The following ATG4C variants were observed in gnomAD, a reference collection of about 807,000 sequenced individuals.
ATG4C encodes the protein cysteine protease ATG4C.
ATG4C carries 56 observed loss-of-function variants against 57.6 expected under a neutral mutation model. The ratio of observed to expected loss-of-function variants is 0.97; its 90% CI spans 0.78 to 1.21. The LOEUF is 1.21. Among genes scored for constraint, ATG4C ranks in the 50% most tolerant of loss-of-function variants. ATG4C has a pLI of 0.00. For missense variants in ATG4C, 595 were observed against 529.8 expected (o/e 1.12, Z -1.21); for synonymous variants, 157 against 174.1 (o/e 0.90, Z 0.78).
chr1:62,796,207 G>GTTTTTTTTT (rs60552573), intron 1 of ATG4C, among the ~76,000 whole-genome samples: 5 of 91,196 alleles, frequency 5.5e-5, no homozygotes, highest in East Asian at 3.3e-4. Context: ...ATTTGTGTGG[G>GTTTTTTTTT]TTTTTTTTTT....
At chr1:62,799,691 A>G (rs1195265060) in intron 1 of ATG4C, among the ~76,000 whole-genome samples, 1 of 152,176 alleles carries the variant, frequency 6.6e-6, no homozygotes, top group Admixed American at 6.5e-5. Context: ...TTTGATATAG[A>G]CATGAAATGT....
chr1:62,863,442 T>G (rs185201580), intron 10 of ATG4C, among the ~76,000 whole-genome samples: 2 of 152,140 alleles, frequency 1.3e-5, no homozygotes, highest in African/African-American at 4.8e-5. Flanking sequence ...TTTGCTCTGT[T>G]TTTGTACACT....
intron 10 of ATG4C, among the ~76,000 whole-genome samples, chr1:62,858,460 A>C: frequency 6.6e-6 from 1 of 152,224 alleles, no homozygotes; most frequent in East Asian, 1.9e-4. Flanking sequence ...TGATAAGCCT[A>C]GCAGAGAAAT....
At chr1:62,813,595 A>C (rs964038830) in intron 3 of ATG4C, among the ~76,000 whole-genome samples, 2 of 152,258 alleles carry the variant, frequency 1.3e-5, no homozygotes, top group Non-Finnish European at 2.9e-5. Context: ...CAAAATTGAC[A>C]GATGGGATCT....
chr1:62,790,289 C>G (rs1382533313), intron 1 of ATG4C, among the ~76,000 whole-genome samples: 1 of 152,188 alleles, frequency 6.6e-6, no homozygotes, highest in African/African-American at 2.4e-5. Flanking sequence ...GAGTTCTCAT[C>G]ACTTCCTTCC....
intron 10 of ATG4C, among the ~76,000 whole-genome samples, chr1:62,855,670 G>T (rs894793778): frequency 6.6e-6 from 1 of 152,116 alleles, no homozygotes; most frequent in Admixed American, 6.5e-5. Context: ...TTCACCTATG[G>T]TATATTATCT....
chr1:62,834,233 CA>C (rs1161523188), intron 8 of ATG4C, 117 bp downstream of exon 8: 1 of 824,656 alleles, frequency 1.2e-6, no homozygotes, highest in Non-Finnish European at 1.9e-6. Flanking sequence ...CTTATACATT[CA>C]TCAGTCCTAC....
chr1:62,854,860 T>G (rs1382132647), intron 10 of ATG4C, among the ~76,000 whole-genome samples: 2 of 152,174 alleles, frequency 1.3e-5, no homozygotes, highest in Non-Finnish European at 2.9e-5. Context: ...GCCTGTGGAA[T>G]GAATATATGT....
At chr1:62,834,877 T>C (rs1350346269) in intron 9 of ATG4C, 25 bp downstream of exon 9, 1 of 1,582,786 alleles carries the variant, frequency 6.3e-7, no homozygotes, top group Non-Finnish European at 8.7e-7. Context: ...AAGCTGATAC[T>C]GTTTTCTTAC....
intron 6 of ATG4C, among the ~76,000 whole-genome samples, chr1:62,828,075 G>A (rs7512529): frequency 0.45 from 67,963 of 151,926 alleles, 15,313 homozygotes; most frequent in East Asian, 0.67. Flanking sequence ...GGTTGATTCT[G>A]TGTCTTTGCT....
Position 62,816,796 on chromosome 1 carries a change from T to C in ATG4C, c.382T>C (p.Phe128Leu). Reference sequence around the variant, plus strand: ...CTTGGCTCAAGGACTCATACTACACTTTCTTGGTAGAGGTAAATCAAATTT... The same window carrying C: ...CTTGGCTCAAGGACTCATACTACACCTTCTTGGTAGAGGTAAATCAAATTT... ...MLLAQGLILH[F>L]LGRAWTWPDA... is the part of the protein sequence containing the mutation. Residue 128 changes from phenylalanine (F) to leucine (L), a missense_variant, in exon 4 of 11, where the codon TTT (phenylalanine) becomes CTT (leucine). Transcript: ENST00000317868. The C allele has an allele frequency of 1.3e-6, 2 of 1,561,530 alleles. No homozygotes were observed. The highest frequency in any genetic ancestry group is 2.3e-5 in the East Asian group (1 of 43,090).
intron 3 of ATG4C, among the ~76,000 whole-genome samples, chr1:62,806,054 T>C (rs1234432990): frequency 2.0e-5 from 3 of 152,220 alleles, no homozygotes; most frequent in African/African-American, 7.2e-5. Flanking sequence ...TTCTAAAACC[T>C]GTAAATGGCT....
Position 62,828,324 on chromosome 1 carries a change from C to T in ATG4C, c.797-716C>T, listed in dbSNP as rs543516894. ...CTCGCCAGCATCTGTTATCTTTTGA[C>T]TTTTTAATAATAGCCATTCTGACTG... On this transcript the variant is annotated intron_variant, in intron 6 of 10. Coordinates refer to ENST00000317868, the MANE Select transcript of ATG4C (RefSeq NM_032852.4). Among the ~76,000 whole-genome samples the T allele has an allele frequency of 6.0e-4, 92 of 152,256 alleles. 2 individuals carry two copies. Among genetic ancestry groups the T allele is most frequent in the African/African-American group, 2.1e-3 (88 of 41,564 alleles).
At chr1:62,829,212 C>T (rs1374595280) in intron 7 of ATG4C, 36 bp downstream of exon 7, 1 of 1,600,418 alleles carries the variant, frequency 6.2e-7, no homozygotes, top group African/African-American at 1.3e-5. Context: ...TAGGGCAATA[C>T]TAGCTAATAT....
At chr1:62,827,446 T>C (rs1665698347) in intron 6 of ATG4C, among the ~76,000 whole-genome samples, 2 of 152,230 alleles carry the variant, frequency 1.3e-5, no homozygotes, top group Non-Finnish European at 2.9e-5. Flanking sequence ...CCTGGCCACC[T>C]TATTTTAAAT....
chr1:62,857,867 C>G (rs891950081), intron 10 of ATG4C, among the ~76,000 whole-genome samples: 1 of 152,164 alleles, frequency 6.6e-6, no homozygotes, highest in Non-Finnish European at 1.5e-5. Context: ...ACTCGCTTTT[C>G]TAGCCTCCTA....
At chr1:62,805,149 T>C in intron 2 of ATG4C, 23 bp from the exon 3 acceptor site, 1 of 1,518,030 alleles carries the variant, frequency 6.6e-7, no homozygotes, top group Non-Finnish European at 8.7e-7. Context: ...AACGTTTTCT[T>C]TTCTTTTTTT....
chr1:62,809,410 T>C (rs1431573890), intron 3 of ATG4C, among the ~76,000 whole-genome samples: 1 of 148,020 alleles, frequency 6.8e-6, no homozygotes, highest in Non-Finnish European at 1.5e-5. Context: ...TATACATATG[T>C]GTATATAAAC....
At chr1:62,798,649 GTT>G (rs759176582) in intron 1 of ATG4C, among the ~76,000 whole-genome samples, 1 of 143,086 alleles carries the variant, frequency 7.0e-6, no homozygotes. Context: ...TTTAATATTT[GTT>G]TTTTTTTTTT....
Sources: gnomAD v4.1 joint callset for allele counts (sites outside exome capture counted in the v4.1 genomes callset) on GRCh38, gnomAD v4.1.1 for gene constraint, MANE v1.5 for transcripts, NCBI Gene and HGNC (gene_info 2026-07-23, HGNC 2026-07-21) for gene names.